The following MYCBP2 variants were observed in gnomAD, a reference collection of about 807,000 sequenced individuals.
MYCBP2 encodes the protein E3 ubiquitin-protein ligase MYCBP2.
In MYCBP2, 120 loss-of-function variants were observed where a neutral mutation model predicts 525.3. The ratio of observed to expected loss-of-function variants is 0.23; its 90% CI spans 0.20 to 0.27. The LOEUF is 0.27. Ranked by LOEUF, MYCBP2 falls within the 10% of genes least tolerant of loss-of-function variation. The pLI is 1.00. For synonymous variants in MYCBP2, 1,894 were observed against 1,955.8 expected (o/e 0.97, Z 0.83); for missense variants, 4,149 against 5,657.1 (o/e 0.73, Z 8.55).
At chr13:77,121,955 T>A (rs2050781527) in intron 54 of MYCBP2, among the ~76,000 whole-genome samples, 1 of 152,038 alleles carries the variant, frequency 6.6e-6, no homozygotes, top group South Asian at 2.1e-4. Flanking sequence ...TGTTAACTGT[T>A]CTAAGTTATG....
At chr13:77,152,544 C>T (rs2056627059) in intron 46 of MYCBP2, among the ~76,000 whole-genome samples, 1 of 152,158 alleles carries the variant, frequency 6.6e-6, no homozygotes, top group African/African-American at 2.4e-5. Flanking sequence ...AGCCCTGCCC[C>T]CCTACCCTAT....
intron 4 of MYCBP2, 58 bp from the exon 5 acceptor site, chr13:77,273,726 ATATT>A: frequency 8.1e-7 from 1 of 1,228,930 alleles, no homozygotes; most frequent in Admixed American, 2.9e-5. Flanking sequence ...TTATATGCGT[ATATT>A]TATTTATTTT....
intron 53 of MYCBP2, 36 bp downstream of exon 53, chr13:77,126,282 G>T (rs2051660386): frequency 1.9e-6 from 3 of 1,554,872 alleles, no homozygotes; most frequent in African/African-American, 2.7e-5. Flanking sequence ...TTAAAAATGA[G>T]TATCTTAGAA....
intron 80 of MYCBP2, among the ~76,000 whole-genome samples, chr13:77,052,696 A>G (rs1285787852): frequency 6.6e-6 from 1 of 152,254 alleles, no homozygotes; most frequent in African/African-American, 2.4e-5. Context: ...TACTGTTTTA[A>G]TAAATATGCT....
chr13:77,198,376 G>T (rs1475898660), intron 26 of MYCBP2, among the ~76,000 whole-genome samples: 1 of 152,200 alleles, frequency 6.6e-6, no homozygotes, highest in Non-Finnish European at 1.5e-5. Context: ...TTCTGGTTGG[G>T]CCTCCATGGG....
chr13:77,242,497 G>A (rs1435089980), intron 17 of MYCBP2, among the ~76,000 whole-genome samples: 1 of 152,164 alleles, frequency 6.6e-6, no homozygotes, highest in Non-Finnish European at 1.5e-5. Context: ...CTTTGCAAAT[G>A]AAACCTGCAG....
rs771532706 is a variant in MYCBP2, at chr13:77,081,845, T to C, written c.11185A>G (p.Met3729Val). ...TAACTGAAATGACTGACCTGACTCA[T>C]AGCTTCAAAGCCAGACTGTATACTG... ...SISIQSGFEA[M>V]SQELCIVMCL... is the part of the protein sequence containing the mutation. Residue 3729 changes from methionine (M) to valine (V), a missense_variant, in exon 64 of 83, where the codon ATG (methionine) becomes GTG (valine). Physicochemically the swap from Met to Val is conservative, Grantham distance 21. Transcript: ENST00000544440. This position sits in a 1 kb window ranked among gnomAD's most constrained non-coding sequence, Gnocchi z 4.6. The C allele has an allele frequency of 5.0e-6, 8 of 1,612,268 alleles. No individual in the cohort carries two copies. The East Asian group carries it at 8.9e-5, about 18-fold the overall frequency.
chr13:77,189,865 A>G (rs974274681), intron 29 of MYCBP2, among the ~76,000 whole-genome samples: 2 of 152,146 alleles, frequency 1.3e-5, no homozygotes, highest in African/African-American at 2.4e-5. Flanking sequence ...AGACTACAAT[A>G]TATCAACCAG....
At chr13:77,078,919 T>C (rs752257951) in intron 65 of MYCBP2, 30 bp from the exon 66 acceptor site, 10 of 1,553,060 alleles carry the variant, frequency 6.4e-6, no homozygotes, top group South Asian at 5.6e-5. Context: ...ATAGTTAATA[T>C]GCTATATTCC....
chr13:77,094,699 G>A (rs757169677), intron 58 of MYCBP2, among the ~76,000 whole-genome samples: 19 of 152,108 alleles, frequency 1.2e-4, no homozygotes, highest in Admixed American at 4.6e-4. Flanking sequence ...TCGCTTGCCT[G>A]ACAGATTTCT....
intron 4 of MYCBP2, among the ~76,000 whole-genome samples, chr13:77,276,854 C>G (rs2075674960): frequency 9.7e-6 from 1 of 102,814 alleles, no homozygotes; most frequent in Non-Finnish European, 1.8e-5. Context: ...AGATAGGGGT[C>G]TAAGTTGCCC....
intron 1 of MYCBP2, among the ~76,000 whole-genome samples, chr13:77,310,347 C>T (rs1199574675): frequency 6.6e-6 from 1 of 152,128 alleles, no homozygotes; most frequent in African/African-American, 2.4e-5. Flanking sequence ...GCAACGATTA[C>T]CACCTACTCA....
chr13:77,097,561 C>A lies in MYCBP2; in HGVS notation c.9593G>T (p.Cys3198Phe). Residue 3198 changes from cysteine (C) to phenylalanine (F), a missense_variant, in exon 56 of 83, where the codon TGT (cysteine) becomes TTT (phenylalanine). Transcript: ENST00000544440. ...GSCAVLKKKE[C>F]EKENKKSKKE... Reference sequence around the variant, plus strand: ...TTTGGACTTCTTATTCTCTTTCTCACACTCTTTCTTTTTAAGAACTGCACA... The same window carrying A: ...TTTGGACTTCTTATTCTCTTTCTCAAACTCTTTCTTTTTAAGAACTGCACA... 6.2e-7 allele frequency: 1 copy of A among 1,613,122 alleles called. No individual in the cohort carries two copies. The highest frequency in any genetic ancestry group is 8.5e-7 in the Non-Finnish European group (1 of 1,179,732).
At chr13:77,255,056 C>T (rs1594376662) in intron 14 of MYCBP2, among the ~76,000 whole-genome samples, 1 of 151,886 alleles carries the variant, frequency 6.6e-6, no homozygotes, top group East Asian at 1.9e-4. Flanking sequence ...CTATGATAAA[C>T]CTGAGAATGC....
intron 80 of MYCBP2, among the ~76,000 whole-genome samples, chr13:77,055,146 G>A (rs66822059): frequency 2.8e-4 from 16 of 57,390 alleles, no homozygotes; most frequent in Non-Finnish European, 4.5e-4. Flanking sequence ...AAAAAAAAAA[G>A]AAGAAGTAGT....
At chr13:77,214,683 T>C (rs117483909) in intron 21 of MYCBP2, among the ~76,000 whole-genome samples, 2,854 of 151,294 alleles carry the variant, frequency 0.019, 41 homozygotes, top group Non-Finnish European at 0.031. Context: ...AGTGGACTTA[T>C]ACAAACCTAG....
chr13:77,096,547 C>A, intron 56 of MYCBP2, 66 bp from the exon 57 acceptor site: 13 of 1,506,624 alleles, frequency 8.6e-6, no homozygotes, highest in Non-Finnish European at 1.1e-5. Flanking sequence ...ATCCTTATTA[C>A]TCATACATTA....
intron 17 of MYCBP2, among the ~76,000 whole-genome samples, chr13:77,234,894 T>A (rs2154304785): frequency 6.6e-6 from 1 of 152,186 alleles, no homozygotes; most frequent in Non-Finnish European, 1.5e-5. Flanking sequence ...ATATTGTTTC[T>A]CCTCATGAAA....
At chr13:77,235,906 A>G (rs1411323222) in intron 17 of MYCBP2, among the ~76,000 whole-genome samples, 1 of 152,038 alleles carries the variant, frequency 6.6e-6, no homozygotes, top group Non-Finnish European at 1.5e-5. Context: ...GAGGTAGGGG[A>G]AAAAAAGGAA....
Sources: allele counts gnomAD v4.1 joint callset (sites outside exome capture counted in the v4.1 genomes callset), GRCh38; gene constraint gnomAD v4.1.1; non-coding constraint Gnocchi (gnomAD v3.1); transcripts MANE v1.5; gene names NCBI Gene and HGNC (gene_info 2026-07-23, HGNC 2026-07-21).